The following ADGRB3 variants were observed in gnomAD, a reference collection of about 807,000 sequenced individuals.
ADGRB3 encodes the protein adhesion G protein-coupled receptor B3, also known as brain-specific angiogenesis inhibitor 3.
Under a neutral mutation model 193.4 loss-of-function variants are expected in ADGRB3, and 37 were observed. That is an observed-to-expected ratio of 0.19 (90% confidence interval 0.15 to 0.25). The LOEUF is 0.25. Ranked by LOEUF, ADGRB3 falls within the 10% of genes least tolerant of loss-of-function variation. The probability of loss-of-function intolerance (pLI) is 1.00; values close to 1 mark genes in which losing one functional copy is unlikely to be tolerated. For synonymous variants in ADGRB3, 690 were observed against 644.2 expected, an observed-to-expected ratio of 1.07 and a Z score of -1.08; for missense variants, 1,637 against 1,852.9, an observed-to-expected ratio of 0.88 and a Z score of 2.14.
intron 3 of ADGRB3, among the ~76,000 whole-genome samples, chr6:68,815,624 T>C (rs1389442121): frequency 6.8e-6 from 1 of 146,712 alleles, no homozygotes; most frequent in Non-Finnish European, 1.5e-5. Context: ...TGTGTGTGTG[T>C]GTGTGTGTGT....
chr6:69,180,213 G>T (rs1165299501), intron 17 of ADGRB3, among the ~76,000 whole-genome samples: 2 of 152,198 alleles, frequency 1.3e-5, no homozygotes, highest in Admixed American at 1.3e-4. Context: ...GTGTGGCGTA[G>T]AGCAGTCCCT....
chr6:68,722,316 G>A (rs1194153339), intron 3 of ADGRB3, among the ~76,000 whole-genome samples: 1 of 151,642 alleles, frequency 6.6e-6, no homozygotes, highest in Non-Finnish European at 1.5e-5. Context: ...CACACACTGG[G>A]GCCTGTTGCG....
intron 30 of ADGRB3, among the ~76,000 whole-genome samples, chr6:69,375,467 G>T (rs1769796275): frequency 6.6e-6 from 1 of 151,996 alleles, no homozygotes; most frequent in Non-Finnish European, 1.5e-5. Context: ...GGGTGAGGGA[G>T]CAGAAAAAAG....
At chr6:68,844,839 T>G (rs1456304712) in intron 3 of ADGRB3, among the ~76,000 whole-genome samples, 1 of 151,808 alleles carries the variant, frequency 6.6e-6, no homozygotes, top group African/African-American at 2.4e-5. Flanking sequence ...GAACTGGAGG[T>G]CATTAGGTTA....
At chr6:68,882,518 A>G (rs1260088538) in intron 3 of ADGRB3, among the ~76,000 whole-genome samples, 1 of 152,184 alleles carries the variant, frequency 6.6e-6, no homozygotes, top group Non-Finnish European at 1.5e-5. Context: ...CAAAGGTTTT[A>G]AAAGAATTAT....
rs184843753 is a variant in ADGRB3, at chr6:68,847,128, A to G, written c.758-83431A>G. The stretch of plus-strand genomic sequence containing the variant: ...CTTGCATGGGCCCTGTAACCCCTTT[A>G]TTTTGGCCAATTTCTCCCATTTGGA... On this transcript the variant is annotated intron_variant, in intron 3 of 31. Coordinates refer to ENST00000370598, the MANE Select transcript of ADGRB3 (RefSeq NM_001704.3). 1.4e-3 allele frequency among the ~76,000 whole-genome samples: 214 copies of G among 152,080 alleles called. 2 individuals are homozygous for G. The highest frequency in any genetic ancestry group is 4.5e-3 in the Admixed American group (69 of 15,274).
chr6:69,207,685 G>A (rs187148161), intron 17 of ADGRB3, among the ~76,000 whole-genome samples: 17 of 152,294 alleles, frequency 1.1e-4, no homozygotes, highest in East Asian at 7.7e-4. Context: ...TGTGGACTTC[G>A]AAAGGCCATT....
intron 17 of ADGRB3, among the ~76,000 whole-genome samples, chr6:69,198,406 ATTAG>A (rs947485310): frequency 3.0e-4 from 45 of 152,218 alleles, no homozygotes; most frequent in African/African-American, 1.0e-3. Flanking sequence ...ATACTATGCT[ATTAG>A]TTAAGATAAC....
chr6:68,674,859 A>T (rs1310147293), intron 3 of ADGRB3, among the ~76,000 whole-genome samples: 1 of 152,178 alleles, frequency 6.6e-6, no homozygotes, highest in Admixed American at 6.6e-5. Context: ...CTAGTTCCAA[A>T]TCGTATGTTT....
intron 17 of ADGRB3, among the ~76,000 whole-genome samples, chr6:69,127,681 T>A (rs184741099): frequency 1.3e-5 from 2 of 152,218 alleles, no homozygotes; most frequent in African/African-American, 2.4e-5. Flanking sequence ...CTTGCCTTTT[T>A]TGCACCACAA....
At chr6:69,194,222 C>T (rs1332064229) in intron 17 of ADGRB3, among the ~76,000 whole-genome samples, 1 of 152,082 alleles carries the variant, frequency 6.6e-6, no homozygotes, top group African/African-American at 2.4e-5. Context: ...TAAAAAAGCA[C>T]TACAATATAG....
rs764710020 is a variant in ADGRB3, at chr6:69,339,392, C to T, written c.3347C>T (p.Ala1116Val). 3.1e-6 allele frequency: 5 copies of T among 1,613,848 alleles called. No homozygotes were observed. The highest frequency in any genetic ancestry group is 3.4e-6 in the Non-Finnish European group (4 of 1,179,912). ...CTTCTGGCTTTGACGTGGATGTCTG[C>T]GGTTCTGGCCATGACAGATAAACGC... Reference protein sequence around the residue: ...LPLLALTWMSAVLAMTDKRSI... With the variant: ...LPLLALTWMSVVLAMTDKRSI... The change falls in exon 26 of 32, where the codon GCG (alanine) becomes GTG (valine). Residue 1116 changes from alanine to valine, a missense_variant. Physicochemically the swap from Ala to Val is moderately conservative, Grantham distance 64. Around this residue, in one of 7 missense-constraint regions of ADGRB3, gnomAD observed 116 missense variants for 168.1 expected, o/e 0.69. Transcript: ENST00000370598.
intron 17 of ADGRB3, among the ~76,000 whole-genome samples, chr6:69,206,047 A>G (rs367628695): frequency 0.053 from 2,720 of 51,630 alleles, 37 homozygotes; most frequent in Middle Eastern, 0.1. Context: ...TAATAATGGT[A>G]TATATATATA....
At chr6:68,646,034 C>T (rs1190948526) in intron 3 of ADGRB3, among the ~76,000 whole-genome samples, 2 of 152,072 alleles carry the variant, frequency 1.3e-5, no homozygotes, top group Non-Finnish European at 2.9e-5. Context: ...AAAACAATTT[C>T]TGATTAAAAC....
intron 17 of ADGRB3, among the ~76,000 whole-genome samples, chr6:69,080,555 C>T (rs576089825): frequency 2.0e-5 from 3 of 151,728 alleles, no homozygotes; most frequent in Admixed American, 1.3e-4. Context: ...ATAGTAACCA[C>T]GTAAAACAGC....
At chr6:68,724,933 A>G (rs552177967) in intron 3 of ADGRB3, among the ~76,000 whole-genome samples, 7 of 151,830 alleles carry the variant, frequency 4.6e-5, no homozygotes, top group African/African-American at 1.7e-4. Context: ...CAGAATTTCT[A>G]GAACTGTCTT....
intron 20 of ADGRB3, among the ~76,000 whole-genome samples, chr6:69,243,927 G>A (rs1766436378): frequency 6.6e-6 from 1 of 152,034 alleles, no homozygotes; most frequent in Non-Finnish European, 1.5e-5. Context: ...GCCTACAAAT[G>A]TTAATATTTT....
chr6:69,344,140 A>G (rs1325944228), intron 26 of ADGRB3, among the ~76,000 whole-genome samples: 7 of 152,186 alleles, frequency 4.6e-5, no homozygotes, highest in Non-Finnish European at 1.0e-4. Context: ...AAGCTACAAT[A>G]AAACTCTTTC....
chr6:68,989,780 T>C (rs1769180387), intron 10 of ADGRB3, among the ~76,000 whole-genome samples: 2 of 152,296 alleles, frequency 1.3e-5, no homozygotes, highest in Admixed American at 6.5e-5. Flanking sequence ...AAGCATACTT[T>C]GTAGGTAACT....
Sources: gnomAD v4.1 joint callset for allele counts (sites outside exome capture counted in the v4.1 genomes callset) on GRCh38, gnomAD v4.1.1 for gene constraint, gnomAD v4.1.1 regional missense constraint, MANE v1.5 for transcripts, NCBI Gene and HGNC (gene_info 2026-07-23, HGNC 2026-07-21) for gene names.